ZNF18: variants seen among roughly 807,000 people sequenced by gnomAD.
The protein encoded by ZNF18 is zinc finger protein 18, also known as heart development-specific gene 1 protein.
Under a neutral mutation model 58.1 loss-of-function variants are expected in ZNF18, and 42 were observed. The observed-to-expected ratio is 0.72, with a 90% CI of 0.56 to 0.93. The LOEUF (loss-of-function observed/expected upper bound fraction) is 0.93. Ranked by LOEUF, ZNF18 falls within the 40% of genes least tolerant of loss-of-function variation. The pLI, the probability that ZNF18 is intolerant of heterozygous loss-of-function variation, is 0.00. For missense variants in ZNF18, 540 were observed against 644.2 expected (o/e 0.84, Z 1.75); for synonymous variants, 231 against 239.8 (o/e 0.96, Z 0.34).
chr17:11,986,545 C>T (rs1473121056), intron 4 of ZNF18, among the ~76,000 whole-genome samples: 1 of 152,172 alleles, frequency 6.6e-6, no homozygotes, highest in East Asian at 1.9e-4. Context: ...TAACTATAAC[C>T]ACATTTTTAA....
chr17:11,994,073 T>C (rs1968315194), intron 1 of ZNF18, among the ~76,000 whole-genome samples: 1 of 152,124 alleles, frequency 6.6e-6, no homozygotes, highest in African/African-American at 2.4e-5. Context: ...AATCCTTAAA[T>C]GTTATGAAGA....
rs1407974313 is a variant in ZNF18 at position 11,978,513 on chromosome 17, A to G, written c.1094T>C (p.Ile365Thr). 3.7e-6 allele frequency: 6 copies of G among 1,608,154 alleles called. No homozygotes were observed. Among genetic ancestry groups the G allele is most frequent in the Middle Eastern group, 1.7e-4 (1 of 6,012 alleles). ...TGEQLSPQERISEKQLGQHLP... is the reference protein window; with the variant it reads ...TGEQLSPQERTSEKQLGQHLP... ...ATGCTGACCTAGTTGTTTCTCAGAA[A>G]TCCTTTCTTGAGGAGACAGCTGTTC... Residue 365 changes from isoleucine (I) to threonine (T), a missense_variant, in exon 7 of 7, where the codon ATT (isoleucine) becomes ACT (threonine). Transcript: ENST00000580306.
the ZNF18 span, chr17:12,010,789 CT>C: frequency 2.6e-6 from 1 of 386,266 alleles, no homozygotes; most frequent in South Asian, 3.2e-5. Flanking sequence ...AGGCTTCTTC[CT>C]ACTGGTTCTC....
chr17:12,014,728 T>C, the ZNF18 span, among the ~76,000 whole-genome samples: 1 of 152,186 alleles, frequency 6.6e-6, no homozygotes, highest in Admixed American at 6.5e-5. Flanking sequence ...TTGATCGTTG[T>C]GATGGTTGCA....
At chr17:11,998,010 T>A (rs1221097390), upstream of ZNF18, among the ~76,000 whole-genome samples, 3 of 152,112 alleles carry the variant, frequency 2.0e-5, no homozygotes, top group Non-Finnish European at 4.4e-5. Flanking sequence ...CCGTTGGGGC[T>A]AGTCCAATGT....
the ZNF18 span, chr17:12,010,830 C>T: frequency 2.1e-6 from 1 of 466,944 alleles, no homozygotes; most frequent in Admixed American, 3.0e-5. Flanking sequence ...GCAGTGCAGG[C>T]TGGCACTTCA....
chr17:11,980,800 A>G (rs79833956), intron 6 of ZNF18, among the ~76,000 whole-genome samples: 1,637 of 152,208 alleles, frequency 0.011, 32 homozygotes, highest in African/African-American at 0.038. Flanking sequence ...ATCTATTTTT[A>G]TATCAGAATC....
chr17:12,013,284 C>T, the ZNF18 span, among the ~76,000 whole-genome samples: 1 of 152,172 alleles, frequency 6.6e-6, no homozygotes, highest in Non-Finnish European at 1.5e-5. Flanking sequence ...GAAATTAATC[C>T]TTTATCCATG....
chr17:11,979,317 T>C (rs77856945), intron 6 of ZNF18, among the ~76,000 whole-genome samples: 1,641 of 152,366 alleles, frequency 0.011, 33 homozygotes, highest in African/African-American at 0.038. Flanking sequence ...GTTCTATATC[T>C]AGCTATGGAG....
the ZNF18 span, among the ~76,000 whole-genome samples, chr17:12,006,348 A>G: frequency 6.6e-6 from 1 of 152,184 alleles, no homozygotes; most frequent in Non-Finnish European, 1.5e-5. Flanking sequence ...CCAATATAAT[A>G]ATATATTACA....
chr17:12,005,225 A>T, the ZNF18 span, among the ~76,000 whole-genome samples: 58,613 of 150,918 alleles, frequency 0.39, 11,900 homozygotes, highest in East Asian at 0.62. Flanking sequence ...TATATATAGA[A>T]CATGAAGGAA....
chr17:12,020,818 G>T, the ZNF18 span: 1 of 686,692 alleles, frequency 1.5e-6, no homozygotes, highest in Non-Finnish European at 2.0e-6. Context: ...CTCGCCCCTC[G>T]GCCGTGCGAG....
rs1968089952 is a variant in ZNF18 at position 11,991,081 on chromosome 17, T to C, written c.470A>G (p.His157Arg). ...PSCQVGEVEP[H>R]LEVVPQELGL... ...CAACTCCTGAGGCACCACTTCAAGA[T>C]GGGGCTCCACTTCCCCCACTTGGCA... The change falls in exon 3 of 7, where the codon CAT becomes CGT. Residue 157 changes from histidine (H) to arginine (R), a missense_variant. Coordinates refer to ENST00000580306, the MANE Select transcript of ZNF18 (RefSeq NM_001303281.2). 6.2e-7 allele frequency: 1 copy of C among 1,614,176 alleles called. No individual in the cohort carries two copies. Among genetic ancestry groups the C allele is most frequent in the Non-Finnish European group, 8.5e-7 (1 of 1,180,020 alleles).
At chr17:11,986,082 C>A (rs1312350921) in intron 4 of ZNF18, among the ~76,000 whole-genome samples, 2 of 152,230 alleles carry the variant, frequency 1.3e-5, no homozygotes, top group Non-Finnish European at 2.9e-5. Context: ...GTGGGCAGTT[C>A]TTTCCTGTGC....
chr17:12,019,301 T>C, the ZNF18 span, among the ~76,000 whole-genome samples: 1 of 15,606 alleles, frequency 6.4e-5, no homozygotes, highest in South Asian at 1.7e-3. Flanking sequence ...TGGATGTGTG[T>C]GTGTGTGTGT....
At chr17:12,004,914 A>C in the ZNF18 span, among the ~76,000 whole-genome samples, 2 of 150,972 alleles carry the variant, frequency 1.3e-5, no homozygotes, top group African/African-American at 4.9e-5. Context: ...AAAGAAAAGA[A>C]ATGTGCATTT....
chr17:11,998,736 G>C (rs752178225), upstream of ZNF18, among the ~76,000 whole-genome samples: 2 of 151,670 alleles, frequency 1.3e-5, no homozygotes, highest in Non-Finnish European at 2.9e-5. Context: ...AAAGGGATTC[G>C]ACATGTTCTC....
At chr17:12,010,545 A>G in the ZNF18 span, among the ~76,000 whole-genome samples, 2 of 151,806 alleles carry the variant, frequency 1.3e-5, no homozygotes, top group African/African-American at 2.4e-5. Context: ...CCTCCCAAGT[A>G]GCTGGGACTA....
In ZNF18 at chr17:11,988,361, G is replaced by C. The variant is rs543392182; in HGVS notation, c.666+2101C>G. On this transcript the variant is annotated intron_variant, in intron 4 of 6. Coordinates refer to ENST00000580306, the MANE Select transcript of ZNF18 (RefSeq NM_001303281.2). The stretch of plus-strand genomic sequence containing the variant: ...GGATCCAGGCAGCAGCACAGGAAGG[G>C]AAACCCAGGCTGAGCCAGGCAGCCT... 3.9e-4 allele frequency among the ~76,000 whole-genome samples: 60 copies of C among 152,304 alleles called. 1 individual carries two copies. The highest frequency in any genetic ancestry group is 1.4e-3 in the African/African-American group (59 of 41,580).
Sources: gnomAD v4.1 joint callset for allele counts (sites outside exome capture counted in the v4.1 genomes callset) on GRCh38, gnomAD v4.1.1 for gene constraint, MANE v1.5 for transcripts, NCBI Gene and HGNC (gene_info 2026-07-23, HGNC 2026-07-21) for gene names.